Variants in GRB10 observed in about 807,000 individuals in gnomAD.
The protein encoded by GRB10 is growth factor receptor bound protein 10.
In GRB10, 20 loss-of-function variants were observed where a neutral mutation model predicts 80.9. The observed-to-expected ratio is 0.25, with a 90% CI of 0.17 to 0.36. The LOEUF is 0.36. GRB10 is among the 10% of genes least tolerant of loss of function. The pLI is 1.00. For synonymous variants in GRB10, 291 were observed against 291.5 expected, an observed-to-expected ratio of 1.00 and a Z score of 0.02; for missense variants, 548 against 747.7, an observed-to-expected ratio of 0.73 and a Z score of 3.12.
At chr7:50,771,895 A>G (rs2077014442) in intron 2 of GRB10, among the ~76,000 whole-genome samples, 1 of 152,226 alleles carries the variant, frequency 6.6e-6, no homozygotes, top group Non-Finnish European at 1.5e-5. Flanking sequence ...GGCCTTCATC[A>G]TATCTATTGT....
Position 50,619,185 on chromosome 7 carries a change from G to A in GRB10, c.762C>T (p.Phe254=). 6.2e-7 allele frequency: 1 copy of A among 1,602,380 alleles called. No individual in the cohort carries two copies. Among genetic ancestry groups the A allele is most frequent in the South Asian group, 1.1e-5 (1 of 90,864 alleles). The change falls in exon 9 of 19, where the codon TTC becomes TTT. Residue 254 remains phenylalanine, a synonymous_variant. Coordinates refer to ENST00000401949, the MANE Select transcript of GRB10 (RefSeq NM_001350814.2). Reference sequence around the variant, plus strand: ...TAAGACTCACCATGGGATTTTTAAAGAACTCGTATTTTGCGTAATTCTTCC... The same window carrying A: ...TAAGACTCACCATGGGATTTTTAAAAAACTCGTATTTTGCGTAATTCTTCC... ...LFRKNYAKYE[F]FKNPMNFFPE...
intron 7 of GRB10, among the ~76,000 whole-genome samples, 172 bp from the exon 8 acceptor site, chr7:50,627,150 T>A (rs531612259): frequency 6.6e-6 from 1 of 152,238 alleles, no homozygotes; most frequent in Non-Finnish European, 1.5e-5. Flanking sequence ...TGACTCTTCC[T>A]CCCTATCTCC....
upstream of GRB10, among the ~76,000 whole-genome samples, chr7:50,787,836 A>G (rs765591402): frequency 6.6e-6 from 1 of 152,218 alleles, no homozygotes; most frequent in African/African-American, 2.4e-5. Context: ...AGACACCTGG[A>G]AGCTCAGGTA....
chr7:50,684,257 C>A (rs1418072601), intron 5 of GRB10, among the ~76,000 whole-genome samples: 5 of 81,178 alleles, frequency 6.2e-5, no homozygotes, highest in East Asian at 4.1e-4. Context: ...AACTGCAACT[C>A]AATCATCACC....
chr7:50,601,906 T>C (rs1050782269), intron 17 of GRB10, among the ~76,000 whole-genome samples: 1 of 152,036 alleles, frequency 6.6e-6, no homozygotes, highest in Admixed American at 6.6e-5. Context: ...CACCCCAAAA[T>C]CAAATACCAT....
chr7:50,632,504 A>C (rs2054187416), intron 7 of GRB10, among the ~76,000 whole-genome samples: 1 of 152,142 alleles, frequency 6.6e-6, no homozygotes, highest in South Asian at 2.1e-4. Flanking sequence ...CACAGCAAAG[A>C]GTGTGGCGCA....
rs190802512 is a variant in GRB10 at position 50,700,074 on chromosome 7, G to C, written c.139+3747C>G. On this transcript the variant is annotated intron_variant, in intron 5 of 18. Transcript: ENST00000401949. ...GAATGGCACGAACCCAGGTGGCAGA[G>C]ATTGCAGTGAGCCGAGATCTCACCA... Among the ~76,000 whole-genome samples, 366 of 149,988 alleles carry C rather than the reference G, an allele frequency of 2.4e-3. 1 individual carries two copies. Among genetic ancestry groups the C allele is most frequent in the African/African-American group, 7.3e-3 (298 of 40,724 alleles).
chr7:50,776,583 C>T (rs898547762), intron 2 of GRB10, among the ~76,000 whole-genome samples: 2 of 152,116 alleles, frequency 1.3e-5, no homozygotes, highest in African/African-American at 4.8e-5. Flanking sequence ...TTACTGTAAG[C>T]AATTAAGAGA....
At chr7:50,743,680 C>T (rs2072313017) in intron 3 of GRB10, among the ~76,000 whole-genome samples, 1 of 152,204 alleles carries the variant, frequency 6.6e-6, no homozygotes, top group Admixed American at 6.5e-5. Flanking sequence ...AGCACAGAAC[C>T]CCAACAGCAA....
chr7:50,594,256 C>G (rs7807340), intron 18 of GRB10, among the ~76,000 whole-genome samples: 1 of 152,138 alleles, frequency 6.6e-6, no homozygotes, highest in Admixed American at 6.5e-5. Context: ...ATTTTCCTCA[C>G]GAGTAAGGTG....
At chr7:50,773,109 G>A (rs1280887433) in intron 2 of GRB10, among the ~76,000 whole-genome samples, 1 of 152,122 alleles carries the variant, frequency 6.6e-6, no homozygotes, top group Non-Finnish European at 1.5e-5. Flanking sequence ...GCAGACAAGA[G>A]AAGAGAACTT....
At chr7:50,664,124 T>C (rs1376214247) in intron 7 of GRB10, among the ~76,000 whole-genome samples, 1 of 152,192 alleles carries the variant, frequency 6.6e-6, no homozygotes, top group African/African-American at 2.4e-5. Flanking sequence ...ACGCTCAGTC[T>C]TGCCTCGAGG....
At chr7:50,774,147 A>C (rs2077329858) in intron 2 of GRB10, among the ~76,000 whole-genome samples, 1 of 152,254 alleles carries the variant, frequency 6.6e-6, no homozygotes. Context: ...TGTCCTGGAC[A>C]GGGAAATCTA....
At position 50,614,876 on chromosome 7, in the gene GRB10, G is replaced by A. The variant is rs368509783; in HGVS notation, c.989C>T (p.Pro330Leu). 1.9e-6 allele frequency: 3 copies of A among 1,609,040 alleles called. No homozygotes were observed. Among genetic ancestry groups the A allele is most frequent in the Non-Finnish European group, 2.6e-6 (3 of 1,175,618 alleles). Reference sequence around the variant, plus strand: ...GTCGGCCAGCAGCTGCAGGTGTCTGGGTTCCTGTGACAACACTGGCCAGGT... The same window carrying A: ...GTCGGCCAGCAGCTGCAGGTGTCTGAGTTCCTGTGACAACACTGGCCAGGT... ...YCSTKGTSKEPRHLQLLADLE... is the reference protein window; with the variant it reads ...YCSTKGTSKELRHLQLLADLE... The change falls in exon 12 of 19, where the codon CCC becomes CTC. Residue 330 changes from proline to leucine, a missense_variant. Around this residue, in one of 4 missense-constraint regions of GRB10, gnomAD observed 270 missense variants for 433.6 expected, o/e 0.62. Coordinates refer to ENST00000401949, the MANE Select transcript of GRB10 (RefSeq NM_001350814.2).
Position 50,726,852 on chromosome 7 carries a change from C to T in GRB10, c.51+5420G>A, listed in dbSNP as rs532079639. 5 of 152,250 alleles carry T rather than the reference C, an allele frequency of 3.3e-5. No homozygotes were observed. The East Asian group carries it at 9.6e-4, about 29-fold the overall frequency. The allele number at this position is 152,250 out of a possible 1,614,324, so 9.4% of individuals were successfully genotyped here. On this transcript the variant is annotated intron_variant, in intron 4 of 18. Coordinates refer to ENST00000401949, the MANE Select transcript of GRB10 (RefSeq NM_001350814.2). ...GGAGATTTTGGCATTTGGACAAAAA[C>T]TTGTTCTCCTCAGTCTCACCAACAT...
At chr7:50,761,451 G>C (rs1443688904) in intron 2 of GRB10, among the ~76,000 whole-genome samples, 1 of 152,148 alleles carries the variant, frequency 6.6e-6, no homozygotes, top group South Asian at 2.1e-4. Context: ...AGGAATGAAA[G>C]ATTTTAGTGG....
chr7:50,624,632 G>A (rs1228097273), intron 8 of GRB10, among the ~76,000 whole-genome samples: 1 of 152,188 alleles, frequency 6.6e-6, no homozygotes, highest in African/African-American at 2.4e-5. Flanking sequence ...TTATAGGCTG[G>A]TGAAACTGGT....
chr7:50,590,714 C>T lies in GRB10; in HGVS notation c.*2238G>A, dbSNP rs927147977. 1.4e-4 allele frequency: 22 copies of T among 152,638 alleles called. No homozygotes were observed. The highest frequency in any genetic ancestry group is 4.1e-4 in the African/African-American group (17 of 41,454). 9.5% of individuals were successfully genotyped at this position (152,638 alleles called of 1,614,324 possible). Reference sequence around the variant, plus strand: ...CTTGTTCTCAGGTGGAATTCCCAGCCGCCCAGCGCGAGGCCAGCGAGCTGG... The same window carrying T: ...CTTGTTCTCAGGTGGAATTCCCAGCTGCCCAGCGCGAGGCCAGCGAGCTGG... On this transcript the variant is annotated 3_prime_UTR_variant, in exon 19 of 19. Transcript: ENST00000401949.
chr7:50,786,102 T>TAG (rs1179173241), upstream of GRB10, among the ~76,000 whole-genome samples: 1 of 151,738 alleles, frequency 6.6e-6, no homozygotes, highest in Non-Finnish European at 1.5e-5. Context: ...TAAATATATA[T>TAG]ATAGAGAGAG....
Sources: gnomAD v4.1 joint callset for allele counts (sites outside exome capture counted in the v4.1 genomes callset) on GRCh38, gnomAD v4.1.1 for gene constraint, gnomAD v4.1.1 regional missense constraint, MANE v1.5 for transcripts, NCBI Gene and HGNC (gene_info 2026-07-23, HGNC 2026-07-21) for gene names.